Variants in SNX13 observed in about 807,000 individuals in gnomAD.
SNX13 encodes the protein sorting nexin 13.
Under a neutral mutation model 133.6 loss-of-function variants are expected in SNX13, and 45 were observed. The ratio of observed to expected loss-of-function variants is 0.34; its 90% confidence interval spans 0.27 to 0.43. The LOEUF is 0.43. Among genes scored for constraint, SNX13 ranks in the 20% least tolerant of loss-of-function variants. SNX13 has a pLI of 1.00. For synonymous variants in SNX13, 414 were observed against 373.9 expected (o/e 1.11, Z -1.24); for missense variants, 1,032 against 1,145.1 (o/e 0.90, Z 1.43).
In SNX13 at chr7:17,850,834, G is replaced by C; in HGVS notation, c.968C>G (p.Ala323Gly). Residue 323 changes from alanine (A) to glycine (G), a missense_variant, in exon 10 of 26, where the codon GCT (alanine) becomes GGT (glycine). Transcript: ENST00000428135. Reference protein sequence around the residue: ...ELQYLRSLDTAGDDINTIKNQ... With the variant: ...ELQYLRSLDTGGDDINTIKNQ... The stretch of plus-strand genomic sequence containing the variant: ...TTAAATACATTACTTACCATCACCA[G>C]CTGTATCTAGAGATCTAAGATACTG... 6.3e-7 allele frequency: 1 copy of C among 1,581,254 alleles called. No homozygotes were observed. The highest frequency in any genetic ancestry group is 8.6e-7 in the Non-Finnish European group (1 of 1,169,160).
At chr7:17,805,265 G>GCGTGCGCGCGCA (rs771908159) in intron 20 of SNX13, among the ~76,000 whole-genome samples, 1 of 146,004 alleles carries the variant, frequency 6.8e-6, no homozygotes, top group African/African-American at 2.5e-5. Context: ...GCGCGCGCGC[G>GCGTGCGCGCGCA]CATGCATGCA....
chr7:17,860,226 G>C (rs1206988880), intron 9 of SNX13, among the ~76,000 whole-genome samples: 3 of 151,846 alleles, frequency 2.0e-5, no homozygotes, highest in South Asian at 2.1e-4. Context: ...GTTGTGATTT[G>C]CATTTCCATA....
chr7:17,862,595 T>C (rs769493345), intron 9 of SNX13, among the ~76,000 whole-genome samples: 32 of 152,168 alleles, frequency 2.1e-4, no homozygotes, highest in Non-Finnish European at 2.8e-4. Flanking sequence ...GCAAAAGATA[T>C]GAACAATTTT....
At chr7:17,937,111 G>C (rs1370275406) in intron 1 of SNX13, among the ~76,000 whole-genome samples, 3 of 147,596 alleles carry the variant, frequency 2.0e-5, no homozygotes, top group African/African-American at 7.5e-5. Context: ...AATATGACTA[G>C]CAAGTTTTCT....
intron 20 of SNX13, among the ~76,000 whole-genome samples, chr7:17,804,846 G>A (rs1785007626): frequency 1.3e-5 from 2 of 152,196 alleles, no homozygotes; most frequent in Middle Eastern, 3.4e-3. Context: ...TCACTGCTTA[G>A]GAATCATAGC....
chr7:17,908,085 T>C (rs1460501018), intron 1 of SNX13, among the ~76,000 whole-genome samples: 1 of 152,190 alleles, frequency 6.6e-6, no homozygotes, highest in Non-Finnish European at 1.5e-5. Context: ...AGATCCCAAA[T>C]GTTTCCTATA....
chr7:17,832,100 T>C, intron 15 of SNX13: 1 of 983,056 alleles, frequency 1.0e-6, no homozygotes, highest in African/African-American at 1.7e-5. Context: ...CTACAATCAA[T>C]GATTCAAATG....
chr7:17,847,254 C>T (rs1036744855), intron 11 of SNX13, among the ~76,000 whole-genome samples: 2 of 149,854 alleles, frequency 1.3e-5, no homozygotes, highest in African/African-American at 2.5e-5. Flanking sequence ...CACACACACA[C>T]GTAACAAATA....
chr7:17,897,671 T>G (rs1362887748), intron 1 of SNX13, among the ~76,000 whole-genome samples: 1 of 152,066 alleles, frequency 6.6e-6, no homozygotes, highest in Non-Finnish European at 1.5e-5. Context: ...CTGCAATTAC[T>G]TTTTTAAAAA....
At chr7:17,902,791 A>T (rs1276141949) in intron 1 of SNX13, among the ~76,000 whole-genome samples, 1 of 152,208 alleles carries the variant, frequency 6.6e-6, no homozygotes, top group Non-Finnish European at 1.5e-5. Context: ...GCCGCACAGC[A>T]GGAGGTGAGC....
intron 20 of SNX13, among the ~76,000 whole-genome samples, chr7:17,812,723 T>C (rs1344341580): frequency 1.3e-5 from 2 of 152,054 alleles, no homozygotes; most frequent in Admixed American, 6.5e-5. Flanking sequence ...CTGTTCAAAA[T>C]AGGAAAGACT....
At chr7:17,907,056 A>G (rs1304583228) in intron 1 of SNX13, among the ~76,000 whole-genome samples, 1 of 152,134 alleles carries the variant, frequency 6.6e-6, no homozygotes, top group Non-Finnish European at 1.5e-5. Context: ...TATTGTGTTT[A>G]TAATTTTGTA....
chr7:17,809,512 A>G (rs1219452101), intron 20 of SNX13, among the ~76,000 whole-genome samples: 1 of 152,156 alleles, frequency 6.6e-6, no homozygotes, highest in Admixed American at 6.5e-5. Flanking sequence ...GTCCCACACA[A>G]TAATAGTGGA....
chr7:17,881,740 T>C (rs1795377062), intron 5 of SNX13: 1 of 152,166 alleles, frequency 6.6e-6, no homozygotes, highest in African/African-American at 2.4e-5. Flanking sequence ...TACTCTTCAC[T>C]CTAAATACAT....
chr7:17,929,369 G>A (rs1801138655), intron 1 of SNX13, among the ~76,000 whole-genome samples: 1 of 151,974 alleles, frequency 6.6e-6, no homozygotes, highest in South Asian at 2.1e-4. Context: ...GAAAAGATAA[G>A]CAACTGCTGC....
Position 17,801,631 on chromosome 7 carries a change from G to A in SNX13, c.2255C>T (p.Ser752Leu), listed in dbSNP as rs763025429. 2 of 1,609,088 alleles carry A rather than the reference G, an allele frequency of 1.2e-6. No individual in the cohort carries two copies. The highest frequency in any genetic ancestry group is 2.7e-5 in the African/African-American group (2 of 74,762). Reference protein sequence around the residue: ...KVPPLIPKTDSDPEHRRVSAQ... With the variant: ...KVPPLIPKTDLDPEHRRVSAQ... ...CGAAACTCGGCGATGTTCAGGGTCT[G>A]AATCAGTCTTAGGAATTAAAGGAGG... Residue 752 changes from serine to leucine, a missense_variant, in exon 22 of 26, where the codon TCA becomes TTA. Transcript: ENST00000428135.
intron 1 of SNX13, among the ~76,000 whole-genome samples, chr7:17,916,174 C>T (rs1463160458): frequency 7.3e-6 from 1 of 136,802 alleles, no homozygotes; most frequent in Non-Finnish European, 1.6e-5. Context: ...CAGCACTAAA[C>T]GTCTACACCA....
chr7:17,848,315 C>A (rs887617148), intron 11 of SNX13, among the ~76,000 whole-genome samples: 2 of 152,158 alleles, frequency 1.3e-5, no homozygotes, highest in African/African-American at 2.4e-5. Flanking sequence ...CATAAAGTCT[C>A]CAGCATTTAC....
At chr7:17,910,071 T>C (rs1023023117) in intron 1 of SNX13, among the ~76,000 whole-genome samples, 1 of 152,184 alleles carries the variant, frequency 6.6e-6, no homozygotes, top group Non-Finnish European at 1.5e-5. Flanking sequence ...CAAAGAGATC[T>C]GACCTGTACT....
Sources: gnomAD v4.1 joint callset for allele counts (sites outside exome capture counted in the v4.1 genomes callset) on GRCh38, gnomAD v4.1.1 for gene constraint, MANE v1.5 for transcripts, NCBI Gene and HGNC (gene_info 2026-07-23, HGNC 2026-07-21) for gene names.